PRCC: variants seen among roughly 807,000 people sequenced by gnomAD.
The protein encoded by PRCC is proline rich mitotic checkpoint control factor, also known as proline-rich protein PRCC.
Under a neutral mutation model 44.0 loss-of-function variants are expected in PRCC, and 10 were observed. The ratio of observed to expected loss-of-function variants is 0.23; its 90% CI spans 0.14 to 0.39. The LOEUF is 0.39. PRCC is among the 10% of genes least tolerant of loss of function. PRCC has a pLI of 1.00. For missense variants in PRCC, 573 were observed against 624.7 expected (o/e 0.92, Z 0.88); for synonymous variants, 278 against 259.5 (o/e 1.07, Z -0.69).
intron 4 of PRCC, among the ~76,000 whole-genome samples, chr1:156,794,417 G>A (rs1375325018): frequency 2.0e-5 from 3 of 152,128 alleles, no homozygotes; most frequent in Non-Finnish European, 2.9e-5. Context: ...CTGGTTCTCT[G>A]CTCTCATTCA....
At chr1:156,775,193 A>G (rs1395973983) in intron 1 of PRCC, among the ~76,000 whole-genome samples, 3 of 151,972 alleles carry the variant, frequency 2.0e-5, no homozygotes, top group Non-Finnish European at 2.9e-5. Flanking sequence ...GCTTGCAGTG[A>G]GCCGAGATTG....
intron 1 of PRCC, among the ~76,000 whole-genome samples, chr1:156,775,677 A>G (rs1159087480): frequency 6.6e-6 from 1 of 151,800 alleles, no homozygotes; most frequent in Non-Finnish European, 1.5e-5. Flanking sequence ...CCCCCGGCTA[A>G]TTTTTGTATT....
intron 2 of PRCC, among the ~76,000 whole-genome samples, chr1:156,784,103 C>T (rs1487016148): frequency 7.2e-5 from 11 of 152,218 alleles, no homozygotes; most frequent in African/African-American, 2.4e-4. Flanking sequence ...CCCGCCACCA[C>T]ACCCGGCTAA....
intron 2 of PRCC, among the ~76,000 whole-genome samples, chr1:156,785,815 C>CTT (rs11371012): frequency 0.2 from 27,500 of 140,506 alleles, 3,221 homozygotes; most frequent in Non-Finnish European, 0.26. Context: ...GGGGAAGGGA[C>CTT]TTTTTTTTTT....
chr1:156,780,768 C>G (rs1215739744), intron 1 of PRCC, among the ~76,000 whole-genome samples: 1 of 152,110 alleles, frequency 6.6e-6, no homozygotes, highest in Non-Finnish European at 1.5e-5. Flanking sequence ...GAGTCTTGCT[C>G]TGTCACCCAG....
At chr1:156,774,901 A>G (rs2102754948) in intron 1 of PRCC, among the ~76,000 whole-genome samples, 1 of 150,720 alleles carries the variant, frequency 6.6e-6, no homozygotes, top group African/African-American at 2.4e-5. Flanking sequence ...CAGTGAGCCA[A>G]GATCGTGCCA....
chr1:156,793,758 C>T (rs1238471848), intron 4 of PRCC, among the ~76,000 whole-genome samples: 1 of 151,898 alleles, frequency 6.6e-6, no homozygotes, highest in Non-Finnish European at 1.5e-5. Flanking sequence ...CTGTGTTTCC[C>T]AGGGACCACA....
intron 1 of PRCC, among the ~76,000 whole-genome samples, chr1:156,778,193 A>G (rs1250903764): frequency 2.0e-5 from 3 of 152,124 alleles, no homozygotes; most frequent in Admixed American, 2.0e-4. Context: ...CCCTTTTACC[A>G]TCGTCTCCTC....
Position 156,791,865 on chromosome 1 carries a change from T to C in PRCC, c.1179+73T>C, listed in dbSNP as rs192435439. 4.2e-5 allele frequency: 58 copies of C among 1,378,044 alleles called. No individual in the cohort carries two copies. The East Asian group carries it at 1.2e-3, about 30-fold the overall frequency. The allele number at this position is 1,378,044 out of a possible 1,614,324, so 85.4% of individuals were successfully genotyped here. A position where few individuals can be genotyped will look rare whatever the true frequency, so the allele number is the denominator to read the frequency against. On this transcript the variant is annotated intron_variant, in intron 4 of 6. Transcript: ENST00000271526. Reference sequence around the variant, plus strand: ...ATTTCAAATCTGAAGCCAAAGGAAATTAAAAAAACACACACACACAAAAGA... The same window carrying C: ...ATTTCAAATCTGAAGCCAAAGGAAACTAAAAAAACACACACACACAAAAGA...
chr1:156,770,451 C>T (rs1320933601), intron 1 of PRCC, among the ~76,000 whole-genome samples: 2 of 152,166 alleles, frequency 1.3e-5, no homozygotes, highest in Non-Finnish European at 2.9e-5. Flanking sequence ...CTCAGCTCAC[C>T]GCAACCTCCG....
chr1:156,775,203 G>A (rs1226467129), intron 1 of PRCC, among the ~76,000 whole-genome samples: 1 of 151,916 alleles, frequency 6.6e-6, no homozygotes, highest in Non-Finnish European at 1.5e-5. Context: ...AGCCGAGATT[G>A]CGCCACTGCA....
chr1:156,795,285 G>GTTTTTT (rs35911411), intron 5 of PRCC, among the ~76,000 whole-genome samples: 513 of 36,060 alleles, frequency 0.014, 107 homozygotes, highest in South Asian at 0.028. Context: ...ATTTTCTGGT[G>GTTTTTT]TTTTTTTTTT....
intron 1 of PRCC, among the ~76,000 whole-genome samples, chr1:156,776,196 C>T (rs1268974289): frequency 1.3e-5 from 2 of 152,114 alleles, no homozygotes; most frequent in Non-Finnish European, 2.9e-5. Flanking sequence ...CCTTTTATCT[C>T]TACAAAAAAA....
chr1:156,778,680 T>A (rs1173968537), intron 1 of PRCC, among the ~76,000 whole-genome samples: 3 of 151,664 alleles, frequency 2.0e-5, no homozygotes, highest in Non-Finnish European at 2.9e-5. Flanking sequence ...CTTCTTGGGT[T>A]TAAGTGATCC....
chr1:156,798,086 G>A (rs763331448), intron 6 of PRCC, among the ~76,000 whole-genome samples: 2 of 151,992 alleles, frequency 1.3e-5, no homozygotes, highest in Non-Finnish European at 1.5e-5. Flanking sequence ...TGGGACCACA[G>A]GTGTGTGCCA....
Position 156,787,090 on chromosome 1 carries a change from T to G in PRCC, c.999T>G (p.Pro333=), listed in dbSNP as rs780739825. ...TGGCAGCAGGTTCAAGTGGGGCCCCTTGGATGCCTAAGCCTGGGGACGACT... is the reference window on the plus strand; with the variant it reads ...TGGCAGCAGGTTCAAGTGGGGCCCCGTGGATGCCTAAGCCTGGGGACGACT... The part of the protein sequence containing the change: ...FKMAAGSSGA[P]WMPKPGDDYS... The change falls in exon 3 of 7, where the codon CCT becomes CCG. Residue 333 remains proline, a synonymous_variant. Transcript: ENST00000271526. The G allele has an allele frequency of 1.5e-5, 24 of 1,614,014 alleles. No homozygotes were observed. The African/African-American group carries it at 3.2e-4, about 22-fold the overall frequency.
rs115582156 is a variant in PRCC at position 156,771,705 on chromosome 1, T to A, written c.468+3466T>A. Among the ~76,000 whole-genome samples the A allele has an allele frequency of 4.9e-3, 746 of 152,248 alleles. 12 individuals carry two copies. The highest frequency in any genetic ancestry group is 0.017 in the African/African-American group (714 of 41,556). ...AATGTTTTTTTTTTTTCTTCTTTTTTAAATAAATAGAGACGTTGTCTCGCT... is the reference window on the plus strand; with the variant it reads ...AATGTTTTTTTTTTTTCTTCTTTTTAAAATAAATAGAGACGTTGTCTCGCT... On this transcript the variant is annotated intron_variant, in intron 1 of 6. Coordinates refer to ENST00000271526, the MANE Select transcript of PRCC (RefSeq NM_005973.5).
chr1:156,794,834 GT>G, intron 5 of PRCC, 26 bp downstream of exon 5: 1 of 1,613,508 alleles, frequency 6.2e-7, no homozygotes, highest in Non-Finnish European at 8.5e-7. Context: ...CTATTGAGTG[GT>G]CAGCTTGGGA....
At chr1:156,778,882 C>G (rs1651925456) in intron 1 of PRCC, among the ~76,000 whole-genome samples, 1 of 149,982 alleles carries the variant, frequency 6.7e-6, no homozygotes, top group Non-Finnish European at 1.5e-5. Flanking sequence ...TCACTACAAC[C>G]TCTTCCTCCT....
Sources: gnomAD v4.1 joint callset for allele counts (sites outside exome capture counted in the v4.1 genomes callset) on GRCh38, gnomAD v4.1.1 for gene constraint, MANE v1.5 for transcripts, NCBI Gene and HGNC (gene_info 2026-07-23, HGNC 2026-07-21) for gene names.